DYNC2H1: variants seen among roughly 807,000 people sequenced by gnomAD.
The protein encoded by DYNC2H1 is dynein cytoplasmic 2 heavy chain 1, also known as cytoplasmic dynein 2 heavy chain 1.
A neutral mutation model predicts 570.0 loss-of-function variants in DYNC2H1; 410 were observed. The ratio of observed to expected loss-of-function variants is 0.72; its 90% CI spans 0.66 to 0.78. DYNC2H1 has a LOEUF of 0.78. Ranked by LOEUF, DYNC2H1 falls within the 30% of genes least tolerant of loss-of-function variation. The pLI is 0.00. For synonymous variants in DYNC2H1, 1,688 were observed against 1,677.6 expected (o/e 1.01, Z -0.15); for missense variants, 4,865 against 5,046.4 (o/e 0.96, Z 1.09).
intron 85 of DYNC2H1, among the ~76,000 whole-genome samples, chr11:103,452,082 G>A (rs1314070130): frequency 6.6e-6 from 1 of 151,956 alleles, no homozygotes; most frequent in Non-Finnish European, 1.5e-5. Context: ...TGAATGGTAA[G>A]TAGCACAGTT....
chr11:103,190,894 C>T (rs1348424439), intron 45 of DYNC2H1, among the ~76,000 whole-genome samples: 1 of 149,344 alleles, frequency 6.7e-6, no homozygotes, highest in East Asian at 2.0e-4. Context: ...CTTGGAATTG[C>T]AACCATCATA....
Position 103,209,753 on chromosome 11 carries a change from C to T in DYNC2H1, c.8455-123C>T, listed in dbSNP as rs1387777293. The T allele has an allele frequency of 4.4e-6, 3 of 677,368 alleles. No individual in the cohort carries two copies. Among genetic ancestry groups the T allele is most frequent in the Non-Finnish European group, 6.3e-6 (3 of 475,288 alleles). 42.0% of individuals were successfully genotyped at this position (677,368 alleles called of 1,614,324 possible). On this transcript the variant is annotated intron_variant, in intron 52 of 88. Transcript: ENST00000375735. The surrounding 1 kb of genome is among the most constrained non-coding windows in gnomAD (Gnocchi z 4.2). Reference sequence around the variant, plus strand: ...AAAGATTTCTGTATTATTTTTGTCTCTTAGTCTGGAATGAATCCTAGAAGA... The same window carrying T: ...AAAGATTTCTGTATTATTTTTGTCTTTTAGTCTGGAATGAATCCTAGAAGA...
In DYNC2H1 at chr11:103,189,969, T is replaced by G. The variant is rs1299177623; in HGVS notation, c.7437+153T>G. ...AGTAACTGTGAAGACAGGTGCTGTG[T>G]GTGCCTTATTCACTGTTGTATCCAT... On this transcript the variant is annotated intron_variant, in intron 45 of 88. Coordinates refer to ENST00000375735, the MANE Select transcript of DYNC2H1 (RefSeq NM_001377.3). The surrounding 1 kb of genome is among the most constrained non-coding windows in gnomAD (Gnocchi z 4.3). 6.6e-6 allele frequency among the ~76,000 whole-genome samples: 1 copy of G among 152,234 alleles called. No homozygotes were observed.
intron 84 of DYNC2H1, chr11:103,403,077 TA>T (rs1399339456): frequency 6.6e-6 from 1 of 152,090 alleles, no homozygotes; most frequent in Non-Finnish European, 1.5e-5. Context: ...GTTTGTCCTT[TA>T]ATGTTATGGG....
At chr11:103,386,560 T>C (rs1941883305) in intron 83 of DYNC2H1, among the ~76,000 whole-genome samples, 1 of 152,134 alleles carries the variant, frequency 6.6e-6, no homozygotes, top group South Asian at 2.1e-4. Context: ...GCAGGTTTGT[T>C]ACATATGTAT....
intron 18 of DYNC2H1, 45 bp from the exon 19 acceptor site, chr11:103,147,727 A>G (rs1479537531): frequency 1.7e-6 from 2 of 1,175,160 alleles, no homozygotes; most frequent in Non-Finnish European, 2.5e-6. Flanking sequence ...CTTTTCCTCT[A>G]ATTAGTCTTT....
intron 85 of DYNC2H1, among the ~76,000 whole-genome samples, chr11:103,438,656 C>T (rs1300731974): frequency 6.6e-6 from 1 of 152,056 alleles, no homozygotes; most frequent in Non-Finnish European, 1.5e-5. Context: ...GGGTTCTGTG[C>T]AAATAAGGTA....
At chr11:103,192,795 C>T (rs561286863) in intron 47 of DYNC2H1, among the ~76,000 whole-genome samples, 46 of 152,230 alleles carry the variant, frequency 3.0e-4, no homozygotes, top group African/African-American at 1.1e-3. Context: ...TGAAAACTAT[C>T]GTGGGAGTAA....
At chr11:103,132,962 C>G (rs1173704179) in intron 13 of DYNC2H1, among the ~76,000 whole-genome samples, 1 of 152,020 alleles carries the variant, frequency 6.6e-6, no homozygotes, top group Non-Finnish European at 1.5e-5. Context: ...TGTTGAGCCT[C>G]ATGAATATTA....
chr11:103,152,533 T>C (rs1860613643), intron 21 of DYNC2H1, among the ~76,000 whole-genome samples: 1 of 152,184 alleles, frequency 6.6e-6, no homozygotes, highest in African/African-American at 2.4e-5. Context: ...GGCCTGTGAA[T>C]GAATCTGTTG....
At chr11:103,111,050 T>C (rs1858089484) in intron 1 of DYNC2H1, among the ~76,000 whole-genome samples, 2 of 152,196 alleles carry the variant, frequency 1.3e-5, no homozygotes, top group Non-Finnish European at 2.9e-5. Context: ...GGTCTCGAAC[T>C]CCTGACCTCA....
rs1858001452 is a variant in DYNC2H1, at chr11:103,109,448, G to T, written c.-127G>T. On this transcript the variant is annotated 5_prime_UTR_variant, in exon 1 of 89. Coordinates refer to ENST00000375735, the MANE Select transcript of DYNC2H1 (RefSeq NM_001377.3). Reference sequence around the variant, plus strand: ...GCCATAGCGACTACCCCTGGCAACCGCGAAGCTCTGCGGTCCCGCGGTCGG... The same window carrying T: ...GCCATAGCGACTACCCCTGGCAACCTCGAAGCTCTGCGGTCCCGCGGTCGG... 2 of 936,444 alleles carry T rather than the reference G, an allele frequency of 2.1e-6. No individual in the cohort carries two copies. The highest frequency in any genetic ancestry group is 3.1e-6 in the Non-Finnish European group (2 of 650,908). 58.0% of individuals were successfully genotyped at this position (936,444 alleles called of 1,614,324 possible).
Position 103,163,693 on chromosome 11 carries a change from A to G in DYNC2H1, c.4611+546A>G, listed in dbSNP as rs2134933244. On this transcript the variant is annotated intron_variant, in intron 30 of 88. Coordinates refer to ENST00000375735, the MANE Select transcript of DYNC2H1 (RefSeq NM_001377.3). The surrounding 1 kb of genome is among the most constrained non-coding windows in gnomAD (Gnocchi z 4.6). ...TTTGTACCAGTCTATATCAAAATGT[A>G]GCACTAAGACTTGTGTTAAACATCC... 6.6e-6 allele frequency among the ~76,000 whole-genome samples: 1 copy of G among 152,294 alleles called. No individual in the cohort carries two copies. The highest frequency in any genetic ancestry group is 2.1e-4 in the South Asian group (1 of 4,820).
intron 6 of DYNC2H1, among the ~76,000 whole-genome samples, chr11:103,119,886 T>A (rs1591267715): frequency 6.6e-6 from 1 of 152,242 alleles, no homozygotes; most frequent in Admixed American, 6.5e-5. Context: ...AATCATGAGT[T>A]TATACTGAGA....
Position 103,245,436 on chromosome 11 carries a change from A to G in DYNC2H1, c.10042+62A>G. 6.7e-7 allele frequency: 1 copy of G among 1,495,446 alleles called. No individual in the cohort carries two copies. Among genetic ancestry groups the G allele is most frequent in the Non-Finnish European group, 8.9e-7 (1 of 1,117,934 alleles). 92.6% of individuals were successfully genotyped at this position (1,495,446 alleles called of 1,614,324 possible). A position where few individuals can be genotyped will look rare whatever the true frequency, so the allele number is the denominator to read the frequency against. On this transcript the variant is annotated intron_variant, in intron 65 of 88. Coordinates refer to ENST00000375735, the MANE Select transcript of DYNC2H1 (RefSeq NM_001377.3). This position sits in a 1 kb window ranked among gnomAD's most constrained non-coding sequence, Gnocchi z 4.5. ...TAAAATTTCCAAAGTAAGTAATTAA[A>G]CCAGGTGCAAGCTTTCAAGAGTCCT...
At chr11:103,453,387 G>A (rs567865197) in intron 85 of DYNC2H1, among the ~76,000 whole-genome samples, 87 of 151,964 alleles carry the variant, frequency 5.7e-4, no homozygotes, top group African/African-American at 2.0e-3. Flanking sequence ...TATCGTTTCT[G>A]CACTGTGACG....
rs1230290442 is a variant in DYNC2H1, at chr11:103,153,327, A to C, written c.3121A>C (p.Lys1041Gln). Residue 1041 changes from lysine to glutamine, a missense_variant, in exon 22 of 89, where the codon AAA (lysine) becomes CAA (glutamine). Coordinates refer to ENST00000375735, the MANE Select transcript of DYNC2H1 (RefSeq NM_001377.3). Reference sequence around the variant, plus strand: ...GATTGAAGTGATGAAAGGAAATGTGAAATCACGTCTTCAGATCTATTATCA... The same window carrying C: ...GATTGAAGTGATGAAAGGAAATGTGCAATCACGTCTTCAGATCTATTATCA... Reference protein sequence around the residue: ...DQIEVMKGNVKSRLQIYYQEL... With the variant: ...DQIEVMKGNVQSRLQIYYQEL... 3 of 1,538,862 alleles carry C rather than the reference A, an allele frequency of 1.9e-6. No individual in the cohort carries two copies. In the African/African-American group the frequency reaches 4.2e-5, roughly 21 times the overall value.
Position 103,120,551 on chromosome 11 carries a change from G to T in DYNC2H1, c.1104G>T (p.Leu368=). Residue 368 remains leucine, a synonymous_variant, in exon 7 of 89, where the codon CTG becomes CTT. Transcript: ENST00000375735. The part of the protein sequence containing the change: ...LTRVFEPFTG[L]NPVQYNPYTE... Reference sequence around the variant, plus strand: ...GAGTATTTGAACCTTTTACTGGCCTGAATCCTGTGCAATATAATCCATATA... The same window carrying T: ...GAGTATTTGAACCTTTTACTGGCCTTAATCCTGTGCAATATAATCCATATA... 1 of 1,613,054 alleles carries T rather than the reference G, an allele frequency of 6.2e-7. No homozygotes were observed. The highest frequency in any genetic ancestry group is 8.5e-7 in the Non-Finnish European group (1 of 1,179,434).
At chr11:103,381,648 C>T (rs1565544935) in intron 83 of DYNC2H1, among the ~76,000 whole-genome samples, 1 of 152,166 alleles carries the variant, frequency 6.6e-6, no homozygotes, top group Non-Finnish European at 1.5e-5. Context: ...GGTGTTTCAT[C>T]ATCTTGGCCA....
Sources: gnomAD v4.1 joint callset for allele counts (sites outside exome capture counted in the v4.1 genomes callset) on GRCh38, gnomAD v4.1.1 for gene constraint, Gnocchi (gnomAD v3.1) non-coding constraint, MANE v1.5 for transcripts, NCBI Gene and HGNC (gene_info 2026-07-23, HGNC 2026-07-21) for gene names.